TNFRSF14: variants seen among roughly 807,000 people sequenced by gnomAD.
TNFRSF14 encodes the protein TNF receptor superfamily member 14, also known as tumor necrosis factor receptor superfamily member 14.
Under a neutral mutation model 34.1 loss-of-function variants are expected in TNFRSF14, and 18 were observed. The ratio of observed to expected loss-of-function variants is 0.53; its 90% confidence interval spans 0.36 to 0.78. TNFRSF14 has a LOEUF of 0.78. TNFRSF14 is among the 30% of genes least tolerant of loss of function. The pLI is 0.00. For synonymous variants in TNFRSF14, 157 were observed against 153.2 expected (o/e 1.02, Z -0.18); for missense variants, 352 against 379.5 (o/e 0.93, Z 0.60).
intron 3 of TNFRSF14, chr1:2,559,622 G>T (rs112070015): frequency 6.5e-7 from 1 of 1,534,332 alleles, no homozygotes. Context: ...CGTCCCACAC[G>T]CAGCTCTGCC....
chr1:2,559,482 CG>C (rs1644271826), intron 3 of TNFRSF14: 3 of 1,445,190 alleles, frequency 2.1e-6, no homozygotes, highest in East Asian at 6.0e-5. Flanking sequence ...TGGGTGGGCA[CG>C]TGGGGCGAGG....
At position 2,556,743 on chromosome 1, in the gene TNFRSF14, C is replaced by A; in HGVS notation, c.69+10C>A. On this transcript the variant is annotated intron_variant, in intron 1 of 7. Coordinates refer to ENST00000355716, the MANE Select transcript of TNFRSF14 (RefSeq NM_003820.4). Reference sequence around the variant, plus strand: ...CGACGTCTTGAGGCTGGTGAGCCCCCGAGCCTCCTCTCCGTCTGCTCGCAG... The same window carrying A: ...CGACGTCTTGAGGCTGGTGAGCCCCAGAGCCTCCTCTCCGTCTGCTCGCAG... The A allele has an allele frequency of 6.3e-7, 1 of 1,584,580 alleles. No homozygotes were observed. Among genetic ancestry groups the A allele is most frequent in the South Asian group, 1.2e-5 (1 of 85,984 alleles).
Position 2,563,755 on chromosome 1 carries a change from G to A in TNFRSF14, c.*482G>A, listed in dbSNP as rs1644346570. 1 of 237,258 alleles carries A rather than the reference G, an allele frequency of 4.2e-6. No homozygotes were observed. The highest frequency in any genetic ancestry group is 1.8e-4 in the South Asian group (1 of 5,714). The allele number at this position is 237,258 out of a possible 1,614,324, so 14.7% of individuals were successfully genotyped here. A position where few individuals can be genotyped will look rare whatever the true frequency, so the allele number is the denominator to read the frequency against. ...TAAATTGGATTTGAATTCGGCTCCTGTTTTCTATTTGTCATGAAACAGTGT... is the reference window on the plus strand; with the variant it reads ...TAAATTGGATTTGAATTCGGCTCCTATTTTCTATTTGTCATGAAACAGTGT... On this transcript the variant is annotated 3_prime_UTR_variant, in exon 8 of 8. Transcript: ENST00000355716.
intron 2 of TNFRSF14, among the ~76,000 whole-genome samples, 173 bp from the exon 3 acceptor site, chr1:2,558,170 G>T (rs1456413299): frequency 6.6e-6 from 1 of 152,224 alleles, no homozygotes; most frequent in Non-Finnish European, 1.5e-5. Context: ...ATTTTCCCCA[G>T]AGCAGCTCTG....
chr1:2,558,827 C>A, intron 3 of TNFRSF14: 1 of 1,323,436 alleles, frequency 7.6e-7, no homozygotes, highest in South Asian at 1.4e-5. Context: ...ACTCTCCGGC[C>A]GGCACTCGGG....
chr1:2,562,764 CAGG>C lies in TNFRSF14; in HGVS notation c.695-98_695-96del, dbSNP rs531305196. The C allele has an allele frequency of 2.5e-3, 3,617 of 1,455,312 alleles. 8 individuals carry two copies. The highest frequency in any genetic ancestry group is 2.9e-3 in the Non-Finnish European group (3,037 of 1,035,984). The allele number at this position is 1,455,312 out of a possible 1,614,324, so 90.1% of individuals were successfully genotyped here. ...TTGGGGACGGTCTCCCAGGGAGAAG[CAGG>C]AGTTGTGCCTCCGCCACCGCTGTGA... On this transcript the variant is annotated intron_variant, in intron 6 of 7. Transcript: ENST00000355716.
At position 2,561,146 on chromosome 1, in the gene TNFRSF14, G is replaced by A. The variant is rs1406055357; in HGVS notation, c.551+432G>A. Reference sequence around the variant, plus strand: ...CTGACCCTGGGCCCCTAACTGACCTGAGACTTCAGAGCTTCTTGGGAGGAG... The same window carrying A: ...CTGACCCTGGGCCCCTAACTGACCTAAGACTTCAGAGCTTCTTGGGAGGAG... On this transcript the variant is annotated intron_variant, in intron 5 of 7. Coordinates refer to ENST00000355716, the MANE Select transcript of TNFRSF14 (RefSeq NM_003820.4). This position sits in a 1 kb window ranked among gnomAD's most constrained non-coding sequence, Gnocchi z 6.0. 2 of 341,700 alleles carry A rather than the reference G, an allele frequency of 5.9e-6. No homozygotes were observed. The highest frequency in any genetic ancestry group is 2.1e-5 in the African/African-American group (1 of 47,894). The allele number at this position is 341,700 out of a possible 1,614,324, so 21.2% of individuals were successfully genotyped here.
intron 6 of TNFRSF14, 162 bp from the exon 7 acceptor site, chr1:2,562,703 A>C (rs186584778): frequency 2.2e-6 from 2 of 928,384 alleles, no homozygotes; most frequent in African/African-American, 1.6e-5. Flanking sequence ...GTCCCAACAC[A>C]GTTGGCCTCC....
chr1:2,559,766 C>CTGTCCTGGCCT lies in TNFRSF14; in HGVS notation c.305-57_305-56insTGTCCTGGCCT, dbSNP rs768844794. On this transcript the variant is annotated intron_variant, in intron 3 of 7. Transcript: ENST00000355716. ...TTGGCCTGTGGATGCTGTCCTGGCC[C>CTGTCCTGGCCT]GTGGATGGTGTCCCGGCCTCCACGT... 17 of 1,558,906 alleles carry CTGTCCTGGCCT rather than the reference C, an allele frequency of 1.1e-5. No homozygotes were observed. In the South Asian group the frequency reaches 1.9e-4, roughly 17 times the overall value.
chr1:2,562,903 A>G lies in TNFRSF14; in HGVS notation c.726+7A>G. On this transcript the variant is annotated splice_region_variant and intron_variant, in intron 7 of 7. Transcript: ENST00000355716. ...GGTGATCGTCTCCGTCCAGGTATTG[A>G]TCCTCCTCCCCCTCTCCCTCCCCCC... 6.2e-7 allele frequency: 1 copy of G among 1,612,754 alleles called. No homozygotes were observed.
rs532636628 is a variant in TNFRSF14 at position 2,556,708 on chromosome 1, C to T, written c.44C>T (p.Thr15Ile). 1.7e-5 allele frequency: 27 copies of T among 1,607,156 alleles called. No individual in the cohort carries two copies. The South Asian group carries it at 1.9e-4, about 11-fold the overall frequency. The change falls in exon 1 of 8, where the codon ACC (threonine) becomes ATC (isoleucine). Residue 15 changes from threonine (T) to isoleucine (I), a missense_variant. Physicochemically the swap from Thr to Ile is moderately conservative, Grantham distance 89 (BLOSUM62 -1). Coordinates refer to ENST00000355716, the MANE Select transcript of TNFRSF14 (RefSeq NM_003820.4). ...GDWGPPPWRSTPKTDVLRLVL... is the reference protein window; with the variant it reads ...GDWGPPPWRSIPKTDVLRLVL... ...TGGGGGCCTCCTCCCTGGAGATCCA[C>T]CCCCAAAACCGACGTCTTGAGGCTG...
At chr1:2,557,278 C>G (rs1394470772) in intron 1 of TNFRSF14, among the ~76,000 whole-genome samples, 1 of 152,248 alleles carries the variant, frequency 6.6e-6, no homozygotes, top group African/African-American at 2.4e-5. Flanking sequence ...GAGCCACCCT[C>G]CCCGATGTGG....
Position 2,556,450 on chromosome 1 carries a change from AC to A in TNFRSF14, c.-212del. ...CACCTGTGTCCCCCAGCGCCGCTCC[AC>A]CCAGCAGGCCTGAGCCCCTCTCTGC... is the stretch of plus-strand genomic sequence containing the variant. On this transcript the variant is annotated 5_prime_UTR_variant, in exon 1 of 8. Coordinates refer to ENST00000355716, the MANE Select transcript of TNFRSF14 (RefSeq NM_003820.4). 1 of 701,190 alleles carries A rather than the reference AC, an allele frequency of 1.4e-6. No homozygotes were observed. The highest frequency in any genetic ancestry group is 2.6e-6 in the Non-Finnish European group (1 of 385,534). 43.4% of individuals were successfully genotyped at this position (701,190 alleles called of 1,614,324 possible).
upstream of TNFRSF14, chr1:2,556,096 C>G: frequency 2.9e-6 from 1 of 346,220 alleles, no homozygotes; most frequent in Non-Finnish European, 5.7e-6. Context: ...GGGTCTATGA[C>G]TGAAATTGGC....
At chr1:2,554,894 G>C (rs1203263023), upstream of TNFRSF14, 1 of 152,282 alleles carries the variant, frequency 6.6e-6, no homozygotes, top group African/African-American at 2.4e-5. This position sits in a 1 kb window ranked among gnomAD's most constrained non-coding sequence, Gnocchi z 4.2. Flanking sequence ...AGTTGGTGAG[G>C]GAACGTGCTG....
intron 1 of TNFRSF14, 42 bp from the exon 2 acceptor site, chr1:2,557,684 G>A: frequency 6.8e-7 from 1 of 1,466,732 alleles, no homozygotes. Context: ...GAGCCCACAG[G>A]GCAGCCAGGG....
At chr1:2,557,457 C>T (rs1451148419) in intron 1 of TNFRSF14, among the ~76,000 whole-genome samples, 2 of 152,150 alleles carry the variant, frequency 1.3e-5, no homozygotes, top group Admixed American at 6.5e-5. Flanking sequence ...TGTGGGGTCC[C>T]TGGCGAGGGC....
At position 2,560,500 on chromosome 1, in the gene TNFRSF14, C is replaced by T. The variant is rs17847980; in HGVS notation, c.461-124C>T. On this transcript the variant is annotated intron_variant, in intron 4 of 7. Coordinates refer to ENST00000355716, the MANE Select transcript of TNFRSF14 (RefSeq NM_003820.4). ...TCTGGACAGGGAGCCTGCCCCTCCC[C>T]GCTGGTCCTCCCATCACCCGTAGAG... 2.1e-4 allele frequency: 143 copies of T among 675,654 alleles called. No homozygotes were observed. In the East Asian group the frequency reaches 3.4e-3, roughly 16 times the overall value. 41.9% of individuals were successfully genotyped at this position (675,654 alleles called of 1,614,324 possible).
intron 3 of TNFRSF14, 29 bp from the exon 4 acceptor site, chr1:2,559,794 C>G (rs979302691): frequency 5.6e-6 from 9 of 1,595,932 alleles, no homozygotes; most frequent in South Asian, 3.4e-5. Context: ...CTCCACGTAC[C>G]CCTCTCAGCC....
Sources: gnomAD v4.1 joint callset for allele counts (sites outside exome capture counted in the v4.1 genomes callset) on GRCh38, gnomAD v4.1.1 for gene constraint, Gnocchi (gnomAD v3.1) non-coding constraint, MANE v1.5 for transcripts, NCBI Gene and HGNC (gene_info 2026-07-23, HGNC 2026-07-21) for gene names.